The following EVI5 variants were observed in gnomAD, a reference collection of about 807,000 sequenced individuals.
EVI5 encodes ecotropic viral integration site 5 protein homolog.
In EVI5, 73 loss-of-function variants were observed where a neutral mutation model predicts 112.0. That is an observed-to-expected ratio of 0.65 (90% CI 0.54 to 0.79). EVI5 has a LOEUF of 0.79. Among genes scored for constraint, EVI5 ranks in the 30% least tolerant of loss-of-function variants. The probability of loss-of-function intolerance (pLI) is 0.00; values close to 1 mark genes in which losing one functional copy is unlikely to be tolerated. For synonymous variants in EVI5, 305 were observed against 319.9 expected (o/e 0.95, Z 0.50); for missense variants, 900 against 968.8 (o/e 0.93, Z 0.94).
intron 14 of EVI5, among the ~76,000 whole-genome samples, chr1:92,633,737 A>G (rs1353651513): frequency 1.3e-5 from 2 of 151,570 alleles, no homozygotes; most frequent in Non-Finnish European, 3.0e-5. Flanking sequence ...GATAACGAGC[A>G]TATTTTGCTC....
At chr1:92,558,091 T>A (rs1667959694) in intron 19 of EVI5, among the ~76,000 whole-genome samples, 1 of 152,092 alleles carries the variant, frequency 6.6e-6, no homozygotes, top group African/African-American at 2.4e-5. Flanking sequence ...AAGTTTAAAA[T>A]CTGATTTAAA....
intron 4 of EVI5, among the ~76,000 whole-genome samples, 159 bp from the exon 5 acceptor site, chr1:92,702,374 G>T (rs1558106260): frequency 2.0e-5 from 3 of 151,270 alleles, no homozygotes; most frequent in Non-Finnish European, 4.4e-5. Flanking sequence ...TATTTAAAAA[G>T]CAAATGTTTT....
At chr1:92,580,317 A>T (rs1265226739) in intron 18 of EVI5, among the ~76,000 whole-genome samples, 1 of 152,226 alleles carries the variant, frequency 6.6e-6, no homozygotes, top group Non-Finnish European at 1.5e-5. Flanking sequence ...CCTGATTCAT[A>T]TATTGCATTC....
intron 16 of EVI5, among the ~76,000 whole-genome samples, chr1:92,611,592 G>A (rs916493247): frequency 2.0e-5 from 3 of 151,062 alleles, no homozygotes; most frequent in South Asian, 2.1e-4. Flanking sequence ...CTCCCAACTC[G>A]GGAGGCTGAG....
chr1:92,785,191 G>T, upstream of EVI5: 1 of 808,944 alleles, frequency 1.2e-6, no homozygotes, highest in East Asian at 1.3e-4. Flanking sequence ...GGCCGGGCGG[G>T]CCGGCCGAGA....
At chr1:92,735,612 TATA>T (rs1456239239) in intron 2 of EVI5, among the ~76,000 whole-genome samples, 3 of 145,646 alleles carry the variant, frequency 2.1e-5, no homozygotes, top group Non-Finnish European at 3.0e-5. Context: ...ATGTATTATA[TATA>T]ATTATATGAT....
intron 1 of EVI5, among the ~76,000 whole-genome samples, chr1:92,737,047 C>T (rs572025355): frequency 6.6e-6 from 1 of 152,208 alleles, no homozygotes; most frequent in Non-Finnish European, 1.5e-5. Flanking sequence ...ATATGCAAGT[C>T]AAGGAATTAA....
At chr1:92,741,522 TC>T (rs1678403819) in intron 1 of EVI5, among the ~76,000 whole-genome samples, 1 of 152,076 alleles carries the variant, frequency 6.6e-6, no homozygotes, top group African/African-American at 2.4e-5. Context: ...CATAACAAAC[TC>T]TATTTTCGAA....
chr1:92,529,658 T>C (rs80297896), intron 19 of EVI5, among the ~76,000 whole-genome samples: 4,111 of 152,288 alleles, frequency 0.027, 158 homozygotes, highest in African/African-American at 0.082. Context: ...TATTGGTAGC[T>C]TGACCATTTA....
chr1:92,549,016 CA>C (rs1366568606), intron 19 of EVI5, among the ~76,000 whole-genome samples: 1 of 150,924 alleles, frequency 6.6e-6, no homozygotes, highest in East Asian at 1.9e-4. Flanking sequence ...CATATGGAAC[CA>C]AAAAAAGAGC....
At chr1:92,518,030 T>C (rs528141378) in intron 19 of EVI5, among the ~76,000 whole-genome samples, 1 of 152,090 alleles carries the variant, frequency 6.6e-6, no homozygotes, top group Admixed American at 6.6e-5. Flanking sequence ...CCCAAGTAGC[T>C]GGGACTACAG....
chr1:92,764,761 T>C (rs1558224707), intron 1 of EVI5, among the ~76,000 whole-genome samples: 1 of 152,202 alleles, frequency 6.6e-6, no homozygotes, highest in Non-Finnish European at 1.5e-5. Context: ...AGTATAGTCA[T>C]TGCTAGGTTA....
chr1:92,665,776 T>C (rs553356102), intron 11 of EVI5, among the ~76,000 whole-genome samples, 163 bp downstream of exon 11: 66 of 152,202 alleles, frequency 4.3e-4, no homozygotes, highest in Non-Finnish European at 9.1e-4. Context: ...CAATTTTTAT[T>C]AGTAACAAGT....
intron 1 of EVI5, among the ~76,000 whole-genome samples, chr1:92,751,876 G>C (rs78701516): frequency 6.6e-6 from 1 of 151,972 alleles, no homozygotes; most frequent in Admixed American, 6.5e-5. Context: ...AGCCGGGCAT[G>C]GTGGTGCACG....
chr1:92,722,042 C>CCATT (rs1674836179), intron 2 of EVI5, among the ~76,000 whole-genome samples: 3 of 21,732 alleles, frequency 1.4e-4, no homozygotes, highest in Non-Finnish European at 2.5e-4. Context: ...TCATGTCCCA[C>CCATT]TATTTTAATT....
chr1:92,605,259 T>C (rs202158992), intron 18 of EVI5, 48 bp downstream of exon 18: 19 of 1,202,968 alleles, frequency 1.6e-5, no homozygotes, highest in East Asian at 4.6e-5. Flanking sequence ...ACAAAGAGGA[T>C]AGAAGAAACT....
chr1:92,522,527 G>A (rs897004476), intron 19 of EVI5, among the ~76,000 whole-genome samples: 5 of 149,462 alleles, frequency 3.3e-5, no homozygotes, highest in East Asian at 2.0e-4. Context: ...TCCCAGCTAC[G>A]CGGGAGGCTG....
intron 5 of EVI5, among the ~76,000 whole-genome samples, chr1:92,699,866 C>A (rs973226149): frequency 2.6e-5 from 4 of 152,156 alleles, no homozygotes; most frequent in Non-Finnish European, 5.9e-5. Flanking sequence ...TATAATTTCC[C>A]TTTTTGTCTT....
intron 16 of EVI5, among the ~76,000 whole-genome samples, chr1:92,622,872 G>A (rs974386359): frequency 2.6e-5 from 4 of 152,084 alleles, no homozygotes; most frequent in Admixed American, 1.3e-4. Flanking sequence ...CCTAGTCTCC[G>A]TAGCAATTCC....
Sources: allele counts gnomAD v4.1 joint callset (sites outside exome capture counted in the v4.1 genomes callset), GRCh38; gene constraint gnomAD v4.1.1; transcripts MANE v1.5; gene names NCBI Gene and HGNC (gene_info 2026-07-23, HGNC 2026-07-21).